The following TDRD3 variants were observed in gnomAD, a reference collection of about 807,000 sequenced individuals.
TDRD3 encodes the protein tudor domain-containing protein 3.
In TDRD3, 45 loss-of-function variants were observed where a neutral mutation model predicts 86.7. The observed-to-expected ratio is 0.52, with a 90% CI of 0.41 to 0.67. TDRD3 has a LOEUF of 0.67. Among genes scored for constraint, TDRD3 ranks in the 30% least tolerant of loss-of-function variants. The pLI is 0.00. For synonymous variants in TDRD3, 298 were observed against 301.7 expected (o/e 0.99, Z 0.13); for missense variants, 814 against 889.0 (o/e 0.92, Z 1.07).
intron 12 of TDRD3, among the ~76,000 whole-genome samples, chr13:60,565,099 A>T (rs1260419318): frequency 8.7e-6 from 1 of 115,506 alleles, no homozygotes; most frequent in Admixed American, 1.3e-4. Flanking sequence ...TCTGTCGCCC[A>T]GGCCGGAGTG....
At chr13:60,396,697 G>A (rs1277249868), upstream of TDRD3, 1 of 152,354 alleles carries the variant, frequency 6.6e-6, no homozygotes. Flanking sequence ...GTCCGACTGG[G>A]GCAACTCGAT....
At chr13:60,570,631 G>A (rs572367375) in intron 13 of TDRD3, among the ~76,000 whole-genome samples, 1 of 152,254 alleles carries the variant, frequency 6.6e-6, no homozygotes, top group African/African-American at 2.4e-5. Flanking sequence ...TTTAAATTGT[G>A]GCCAAAGATT....
intron 7 of TDRD3, among the ~76,000 whole-genome samples, chr13:60,491,258 CAT>C (rs1956582291): frequency 6.6e-6 from 1 of 151,952 alleles, no homozygotes; most frequent in Admixed American, 6.6e-5. Context: ...CCATTTTGAA[CAT>C]GTGAATATTG....
chr13:60,546,081 G>A (rs980931832), intron 12 of TDRD3, among the ~76,000 whole-genome samples: 3 of 152,030 alleles, frequency 2.0e-5, no homozygotes, highest in South Asian at 2.1e-4. Context: ...AGTTTAGAAA[G>A]CCTCTAAAAG....
intron 1 of TDRD3, among the ~76,000 whole-genome samples, chr13:60,411,218 G>A (rs1954357259): frequency 6.6e-6 from 1 of 152,210 alleles, no homozygotes; most frequent in Non-Finnish European, 1.5e-5. Context: ...ATTAGATGTA[G>A]TTTCTTAACA....
At chr13:60,451,672 CT>C (rs1022700732) in intron 3 of TDRD3, among the ~76,000 whole-genome samples, 1 of 152,126 alleles carries the variant, frequency 6.6e-6, no homozygotes, top group Non-Finnish European at 1.5e-5. Flanking sequence ...CAGTATTCAA[CT>C]TTACAAGATA....
intron 3 of TDRD3, among the ~76,000 whole-genome samples, chr13:60,454,335 T>C (rs1955615484): frequency 6.6e-6 from 1 of 152,184 alleles, no homozygotes; most frequent in African/African-American, 2.4e-5. Flanking sequence ...TATTATTTTG[T>C]AGTCTGTGTT....
At chr13:60,443,445 TG>T (rs997698636) in intron 2 of TDRD3, among the ~76,000 whole-genome samples, 5 of 152,164 alleles carry the variant, frequency 3.3e-5, no homozygotes, top group African/African-American at 1.2e-4. Flanking sequence ...TTCTATTTAG[TG>T]AGTTTTACTT....
intron 1 of TDRD3, among the ~76,000 whole-genome samples, chr13:60,434,672 C>T (rs1463494358): frequency 6.6e-6 from 1 of 151,820 alleles, no homozygotes; most frequent in African/African-American, 2.4e-5. Flanking sequence ...ATATTAATGT[C>T]CAAAATCTCC....
At chr13:60,464,760 C>T (rs1007661873) in intron 4 of TDRD3, among the ~76,000 whole-genome samples, 2 of 151,912 alleles carry the variant, frequency 1.3e-5, no homozygotes, top group Admixed American at 1.3e-4. Context: ...AAATTGATCT[C>T]CTGGAGATAG....
intron 4 of TDRD3, among the ~76,000 whole-genome samples, chr13:60,463,703 G>T (rs1007259440): frequency 1.3e-5 from 2 of 152,012 alleles, no homozygotes; most frequent in East Asian, 3.9e-4. Context: ...ATTGATAAAA[G>T]ACCTGAATAG....
chr13:60,570,077 G>T lies in TDRD3; in HGVS notation c.*9+2427G>T, dbSNP rs114964976. Among the ~76,000 whole-genome samples, 1,096 of 152,178 alleles carry T rather than the reference G, an allele frequency of 7.2e-3. 15 individuals are homozygous for T. Among genetic ancestry groups the T allele is most frequent in the African/African-American group, 0.025 (1,041 of 41,542 alleles). ...AAAATGAACAAATGGAATAACATCA[G>T]TTAAAAAGATCCTACATAGCAAAGG... is the stretch of plus-strand genomic sequence containing the variant. On this transcript the variant is annotated intron_variant, in intron 13 of 13. Transcript: ENST00000377881.
At chr13:60,497,644 C>G (rs1956747021) in intron 8 of TDRD3, among the ~76,000 whole-genome samples, 1 of 152,144 alleles carries the variant, frequency 6.6e-6, no homozygotes, top group South Asian at 2.1e-4. Context: ...GGTGCATGCA[C>G]AGTCTTGCCA....
At position 60,446,730 on chromosome 13, in the gene TDRD3, A is replaced by C. The variant is rs1955408210; in HGVS notation, c.192+1982A>C. 3.9e-5 allele frequency among the ~76,000 whole-genome samples: 6 copies of C among 152,266 alleles called. No homozygotes were observed. In the South Asian group the frequency reaches 1.2e-3, roughly 32 times the overall value. On this transcript the variant is annotated intron_variant, in intron 3 of 13. Coordinates refer to ENST00000377881, the MANE Select transcript of TDRD3 (RefSeq NM_001146070.2). ...TATAAAAATGTAACTATCTTAAACC[A>C]GAGTACATATTCAAGGAATATATTT...
chr13:60,557,979 C>A (rs868073931), intron 12 of TDRD3, among the ~76,000 whole-genome samples: 2 of 151,910 alleles, frequency 1.3e-5, no homozygotes, highest in Non-Finnish European at 2.9e-5. Context: ...CACGCCACCA[C>A]GCCCAGCTAA....
chr13:60,479,694 A>G (rs11616890), intron 5 of TDRD3, among the ~76,000 whole-genome samples: 21,968 of 152,212 alleles, frequency 0.14, 2,071 homozygotes, highest in South Asian at 0.28. Context: ...GGGTATATAC[A>G]TATTTAGGAT....
At chr13:60,554,085 T>C (rs148772744) in intron 12 of TDRD3, among the ~76,000 whole-genome samples, 155 of 152,316 alleles carry the variant, frequency 1.0e-3, no homozygotes, top group African/African-American at 3.4e-3. Flanking sequence ...GTAACAGCCT[T>C]CATAAATCAG....
At chr13:60,505,391 T>C (rs1195528966) in intron 8 of TDRD3, among the ~76,000 whole-genome samples, 1 of 152,216 alleles carries the variant, frequency 6.6e-6, no homozygotes, top group Admixed American at 6.5e-5. Context: ...CGTCTCTGGA[T>C]TCTTCCTCTC....
intron 5 of TDRD3, among the ~76,000 whole-genome samples, chr13:60,468,910 C>A (rs956362847): frequency 2.0e-5 from 3 of 152,146 alleles, no homozygotes; most frequent in African/African-American, 7.2e-5. Context: ...TCAAATCTTG[C>A]CTGTTTTGTA....
Sources: gnomAD v4.1 joint callset for allele counts (sites outside exome capture counted in the v4.1 genomes callset) on GRCh38, gnomAD v4.1.1 for gene constraint, MANE v1.5 for transcripts, NCBI Gene and HGNC (gene_info 2026-07-23, HGNC 2026-07-21) for gene names.